The following ADAM19 variants were observed in gnomAD, a reference collection of about 807,000 sequenced individuals.
The protein encoded by ADAM19 is ADAM metallopeptidase domain 19.
ADAM19 carries 65 observed loss-of-function variants against 114.7 expected under a neutral mutation model. The ratio of observed to expected loss-of-function variants is 0.57; its 90% CI spans 0.46 to 0.70. The LOEUF is 0.70. ADAM19 is among the 30% of genes least tolerant of loss of function. ADAM19 has a pLI of 0.00. For missense variants in ADAM19, 1,063 were observed against 1,204.7 expected (o/e 0.88, Z 1.74); for synonymous variants, 466 against 460.5 (o/e 1.01, Z -0.15).
rs1230104589 is a variant in ADAM19 at position 157,481,818 on chromosome 5, G to A, written c.2676C>T (p.Ser892=). The change falls in exon 22 of 23, where the codon TCC becomes TCT. Residue 892 remains serine (S), a synonymous_variant. Transcript: ENST00000257527. ...TTGGGGCAAGTGCTGCCAGAGGCCG[G>A]GACTGCTGAGGGCCAGCACCAGGGG... is the stretch of plus-strand genomic sequence containing the variant. ...LRPPGAGPQQ[S]RPLAALAPKF... is the part of the protein sequence containing the mutation. 1 of 1,578,680 alleles carries A rather than the reference G, an allele frequency of 6.3e-7. No homozygotes were observed. The highest frequency in any genetic ancestry group is 2.3e-5 in the East Asian group (1 of 43,446).
chr5:157,528,508 C>T (rs1362886907), intron 5 of ADAM19, among the ~76,000 whole-genome samples: 1 of 152,114 alleles, frequency 6.6e-6, no homozygotes, highest in Non-Finnish European at 1.5e-5. Context: ...TTGTAAATAC[C>T]ACTGCGAGGC....
rs906706902 is a variant in ADAM19, at chr5:157,480,870, C to T, written c.*79G>A. ...AGGAGCTCAGAGGCGGCCAGACATG[C>T]TTCTTCAGGGTTCCATGGCCATGGG... On this transcript the variant is annotated 3_prime_UTR_variant, in exon 23 of 23. Coordinates refer to ENST00000257527, the MANE Select transcript of ADAM19 (RefSeq NM_033274.5). 3 of 1,604,824 alleles carry T rather than the reference C, an allele frequency of 1.9e-6. No individual in the cohort carries two copies. The African/African-American group carries it at 4.0e-5, about 21-fold the overall frequency.
intron 1 of ADAM19, among the ~76,000 whole-genome samples, chr5:157,575,078 T>A (rs1012204558): frequency 2.0e-5 from 3 of 152,272 alleles, no homozygotes; most frequent in African/African-American, 7.2e-5. Flanking sequence ...CAGCGAGCCA[T>A]CCCCTAGCCA....
intron 3 of ADAM19, among the ~76,000 whole-genome samples, chr5:157,561,761 C>A (rs1044146180): frequency 6.6e-6 from 1 of 152,130 alleles, no homozygotes; most frequent in Non-Finnish European, 1.5e-5. Context: ...TCCCTATGCT[C>A]CTCTGTCTCC....
Position 157,497,939 on chromosome 5 carries a change from G to A in ADAM19, c.1399-850C>T, listed in dbSNP as rs139176348. On this transcript the variant is annotated intron_variant, in intron 13 of 22. Transcript: ENST00000257527. ...GTTTGAAGTCAGTCTTGGACACCAGGGAATCCTTTCTGAGGCTCAAACGGA... is the reference window on the plus strand; with the variant it reads ...GTTTGAAGTCAGTCTTGGACACCAGAGAATCCTTTCTGAGGCTCAAACGGA... Among the ~76,000 whole-genome samples, 179 of 152,356 alleles carry A rather than the reference G, an allele frequency of 1.2e-3. 1 individual carries two copies. The highest frequency in any genetic ancestry group is 4.2e-3 in the African/African-American group (176 of 41,588).
chr5:157,489,839 TAGCTGGGTATG>T (rs1268004469), intron 19 of ADAM19, among the ~76,000 whole-genome samples: 1 of 152,070 alleles, frequency 6.6e-6, no homozygotes, highest in East Asian at 1.9e-4. Context: ...TACAAAAAAT[TAGCTGGGTATG>T]GTGGCATGCA....
At chr5:157,556,935 C>T (rs973210381) in intron 3 of ADAM19, among the ~76,000 whole-genome samples, 1 of 152,152 alleles carries the variant, frequency 6.6e-6, no homozygotes, top group African/African-American at 2.4e-5. Flanking sequence ...GGCTAGAGTG[C>T]GGTGGTATGA....
chr5:157,534,499 G>A (rs1291052488), intron 4 of ADAM19, among the ~76,000 whole-genome samples: 1 of 151,800 alleles, frequency 6.6e-6, no homozygotes, highest in African/African-American at 2.4e-5. Context: ...AAAACAATAA[G>A]AGCTAACATC....
chr5:157,494,756 T>A lies in ADAM19; in HGVS notation c.1634A>T (p.Asn545Ile). The stretch of plus-strand genomic sequence containing the variant: ...GTTTCCAAAGGTGTCTCCTGCCACA[T>A]TCACCTTCTCGAAGCAGAGGTCAGG... ...PAPDLCFEKV[N>I]VAGDTFGNCG... Residue 545 changes from asparagine (N) to isoleucine (I), a missense_variant, in exon 15 of 23, where the codon AAT becomes ATT. Coordinates refer to ENST00000257527, the MANE Select transcript of ADAM19 (RefSeq NM_033274.5). The A allele has an allele frequency of 1.2e-6, 2 of 1,613,862 alleles. No individual in the cohort carries two copies. The highest frequency in any genetic ancestry group is 1.7e-6 in the Non-Finnish European group (2 of 1,179,766).
chr5:157,527,867 C>T lies in ADAM19; in HGVS notation c.407+2940G>A, dbSNP rs145911863. On this transcript the variant is annotated intron_variant, in intron 5 of 22. Transcript: ENST00000257527. Reference sequence around the variant, plus strand: ...TTATTTTTACTAAGATAATACATGACTTCTTCAATTAAAGTAACCTAAAGA... The same window carrying T: ...TTATTTTTACTAAGATAATACATGATTTCTTCAATTAAAGTAACCTAAAGA... Among the ~76,000 whole-genome samples, 667 of 152,234 alleles carry T rather than the reference C, an allele frequency of 4.4e-3. 6 individuals carry two copies. Among genetic ancestry groups the T allele is most frequent in the African/African-American group, 0.015 (628 of 41,542 alleles).
At chr5:157,523,093 TAAC>T (rs1367876820) in intron 5 of ADAM19, among the ~76,000 whole-genome samples, 1 of 152,158 alleles carries the variant, frequency 6.6e-6, no homozygotes, top group Non-Finnish European at 1.5e-5. Flanking sequence ...AGACATTAAA[TAAC>T]AAGCTCTCAT....
chr5:157,546,996 G>A (rs1241366490), intron 3 of ADAM19, among the ~76,000 whole-genome samples: 2 of 152,198 alleles, frequency 1.3e-5, no homozygotes, highest in African/African-American at 2.4e-5. Context: ...CAGTTCCTAA[G>A]AGACCAAGTG....
At chr5:157,564,338 T>C in intron 3 of ADAM19, 35 bp downstream of exon 3, 1 of 1,599,358 alleles carries the variant, frequency 6.3e-7, no homozygotes. Flanking sequence ...CAGAAGTTAT[T>C]TGTTTCATTT....
At chr5:157,548,183 C>T (rs72811340) in intron 3 of ADAM19, among the ~76,000 whole-genome samples, 2,114 of 152,318 alleles carry the variant, frequency 0.014, 21 homozygotes, top group Middle Eastern at 0.037. Flanking sequence ...TATCAGACTT[C>T]CCGTGCCCCC....
rs1328320271 is a variant in ADAM19 at position 157,477,474 on chromosome 5, A to C, written c.*3475T>G. Reference sequence around the variant, plus strand: ...GTGAACAATCTCCCAAATAAAAAGAAAATTCACATTGCCCTGGATCCCAGA... The same window carrying C: ...GTGAACAATCTCCCAAATAAAAAGACAATTCACATTGCCCTGGATCCCAGA... On this transcript the variant is annotated 3_prime_UTR_variant, in exon 23 of 23. Transcript: ENST00000257527. The C allele has an allele frequency of 9.6e-7, 1 of 1,038,826 alleles. No homozygotes were observed. The highest frequency in any genetic ancestry group is 4.9e-5 in the Admixed American group (1 of 20,346). 64.4% of individuals were successfully genotyped at this position (1,038,826 alleles called of 1,614,324 possible).
At position 157,478,864 on chromosome 5, in the gene ADAM19, C is replaced by T. The variant is rs1278133520; in HGVS notation, c.*2085G>A. The T allele has an allele frequency of 3.0e-6, 3 of 985,688 alleles. No homozygotes were observed. In the African/African-American group the frequency reaches 5.2e-5, roughly 17 times the overall value. The allele number at this position is 985,688 out of a possible 1,614,324, so 61.1% of individuals were successfully genotyped here. A position where few individuals can be genotyped will look rare whatever the true frequency, so the allele number is the denominator to read the frequency against. On this transcript the variant is annotated 3_prime_UTR_variant, in exon 23 of 23. Transcript: ENST00000257527. The stretch of plus-strand genomic sequence containing the variant: ...CAGGTTCAGATGGCTCATGCAGTCA[C>T]TATGGCTGTGGCGCTGTCATTTCAG...
In ADAM19 at chr5:157,491,652, G is replaced by C. The variant is rs141977307; in HGVS notation, c.2058C>G (p.His686Gln). Residue 686 changes from histidine (H) to glutamine (Q), a missense_variant, in exon 18 of 23, where the codon CAC becomes CAG. Coordinates refer to ENST00000257527, the MANE Select transcript of ADAM19 (RefSeq NM_033274.5). ...TAGGCCCACTGTCGATACTGCCCCCGTGGCCCGGTGTGTTGCAGAAGGGCG... is the reference window on the plus strand; with the variant it reads ...TAGGCCCACTGTCGATACTGCCCCCCTGGCCCGGTGTGTTGCAGAAGGGCG... ...WAPPFCNTPG[H>Q]GGSIDSGPMP... 5 of 1,557,576 alleles carry C rather than the reference G, an allele frequency of 3.2e-6. No homozygotes were observed. Among genetic ancestry groups the C allele is most frequent in the East Asian group, 2.3e-5 (1 of 44,292 alleles).
rs983298854 is a variant in ADAM19 at position 157,529,240 on chromosome 5, A to G, written c.407+1567T>C. Among the ~76,000 whole-genome samples, 11 of 152,232 alleles carry G rather than the reference A, an allele frequency of 7.2e-5. 1 individual carries two copies. Among genetic ancestry groups the G allele is most frequent in the Admixed American group, 6.5e-4 (10 of 15,294 alleles). Reference sequence around the variant, plus strand: ...TCACTGTCTATCACTGCACAGAGGCACCACATAGTACAGACAATCAAAACC... The same window carrying G: ...TCACTGTCTATCACTGCACAGAGGCGCCACATAGTACAGACAATCAAAACC... On this transcript the variant is annotated intron_variant, in intron 5 of 22. Transcript: ENST00000257527.
chr5:157,502,443 A>G (rs1355806168), intron 12 of ADAM19, among the ~76,000 whole-genome samples: 5 of 152,204 alleles, frequency 3.3e-5, no homozygotes, highest in Non-Finnish European at 7.3e-5. Context: ...GTTCAAGCCC[A>G]TATATCTGGC....
Sources: allele counts gnomAD v4.1 joint callset (sites outside exome capture counted in the v4.1 genomes callset), GRCh38; gene constraint gnomAD v4.1.1; transcripts MANE v1.5; gene names NCBI Gene and HGNC (gene_info 2026-07-23, HGNC 2026-07-21).